MSH3: variants seen among roughly 807,000 people sequenced by gnomAD.
MSH3 encodes mutS homolog 3.
MSH3 carries 106 observed loss-of-function variants against 123.3 expected under a neutral mutation model. The observed-to-expected ratio is 0.86, with a 90% confidence interval of 0.73 to 1.01. The LOEUF (loss-of-function observed/expected upper bound fraction) is 1.01, where lower values mean the gene tolerates loss of function less well. Ranked by LOEUF, MSH3 falls within the 50% of genes least tolerant of loss-of-function variation. The probability of loss-of-function intolerance (pLI) is 0.00; values close to 1 mark genes in which losing one functional copy is unlikely to be tolerated. For missense variants in MSH3, 1,459 were observed against 1,347.6 expected (o/e 1.08, Z -1.29); for synonymous variants, 515 against 481.4 (o/e 1.07, Z -0.91).
At chr5:80,723,075 C>T (rs1342850747) in intron 8 of MSH3, among the ~76,000 whole-genome samples, 2 of 149,974 alleles carry the variant, frequency 1.3e-5, no homozygotes, top group African/African-American at 2.5e-5. Context: ...GCCTAGGCGA[C>T]GGAGTGAAAC....
At chr5:80,748,691 TACACACACAC>T (rs36206914) in intron 12 of MSH3, among the ~76,000 whole-genome samples, 35,863 of 147,262 alleles carry the variant, frequency 0.24, 4,379 homozygotes, top group Non-Finnish European at 0.27. Context: ...ATTTTTTATT[TACACACACAC>T]ACACACACAC....
chr5:80,806,111 C>G (rs1427333371), intron 19 of MSH3, among the ~76,000 whole-genome samples: 1 of 152,020 alleles, frequency 6.6e-6, no homozygotes, highest in African/African-American at 2.4e-5. Flanking sequence ...ATTTACTTAT[C>G]TTTTGAGACG....
At chr5:80,742,666 C>G (rs1264281144) in intron 11 of MSH3, among the ~76,000 whole-genome samples, 1 of 152,162 alleles carries the variant, frequency 6.6e-6, no homozygotes, top group Non-Finnish European at 1.5e-5. Context: ...TTCTAGTATG[C>G]TGAATTCAGA....
In MSH3 at chr5:80,813,585, A is replaced by G. The variant is rs1561486624; in HGVS notation, c.2657A>G (p.Glu886Gly). 6.2e-7 allele frequency: 1 copy of G among 1,614,086 alleles called. No homozygotes were observed. The highest frequency in any genetic ancestry group is 1.3e-5 in the African/African-American group (1 of 75,056). ...QYVPNNTDLS[E>G]DSERVMIITG... ...GTGAAATTCCTTTCTAATTTTCAGG[A>G]GGACTCAGAGAGAGTAATGATAATT... Residue 886 changes from glutamate to glycine, a missense_variant and splice_region_variant, in exon 20 of 24, where the codon GAG becomes GGG. Physicochemically the swap from Glu to Gly is moderately conservative, Grantham distance 98. Transcript: ENST00000265081.
intron 20 of MSH3, among the ~76,000 whole-genome samples, chr5:80,826,532 AG>A (rs1293736646): frequency 6.7e-6 from 1 of 149,188 alleles, no homozygotes; most frequent in Non-Finnish European, 1.5e-5. Flanking sequence ...CGCTATAAAC[AG>A]ACAGGAGGTT....
intron 20 of MSH3, among the ~76,000 whole-genome samples, chr5:80,843,365 C>CT (rs1488722690): frequency 1.3e-5 from 2 of 152,076 alleles, no homozygotes; most frequent in African/African-American, 4.8e-5. Flanking sequence ...CTAAAATTCT[C>CT]TTTTTTTGTT....
intron 19 of MSH3, among the ~76,000 whole-genome samples, chr5:80,804,166 A>G (rs1744841964): frequency 6.6e-6 from 1 of 152,184 alleles, no homozygotes; most frequent in African/African-American, 2.4e-5. Context: ...CTTAAACAAT[A>G]TTTATTCTTC....
At chr5:80,756,250 A>C (rs1303140746) in intron 12 of MSH3, among the ~76,000 whole-genome samples, 1 of 152,218 alleles carries the variant, frequency 6.6e-6, no homozygotes, top group Non-Finnish European at 1.5e-5. Context: ...GAAAGAAAGA[A>C]AAGAAAACAA....
At position 80,692,523 on chromosome 5, in the gene MSH3, G is replaced by GATAGATAAACATGTATATGTTTAT. The variant is rs1561445025; in HGVS notation, c.1340+13436_1340+13459dup. On this transcript the variant is annotated intron_variant, in intron 8 of 23. Coordinates refer to ENST00000265081, the MANE Select transcript of MSH3 (RefSeq NM_002439.5). ...AGATAGATAAACATGTATATGTTTA[G>GATAGATAAACATGTATATGTTTAT]ATAGATAAACATGTATATGTTTATA... is the stretch of plus-strand genomic sequence containing the variant. 5.1e-3 allele frequency among the ~76,000 whole-genome samples: 604 copies of GATAGATAAACATGTATATGTTTAT among 119,254 alleles called. 23 individuals carry two copies. The highest frequency in any genetic ancestry group is 8.8e-3 in the African/African-American group (262 of 29,722). 78.2% of individuals were successfully genotyped at this position (119,254 alleles called of 152,430 possible).
At chr5:80,655,577 T>G (rs1749258416) in intron 1 of MSH3, 1 of 186,462 alleles carries the variant, frequency 5.4e-6, no homozygotes, top group Non-Finnish European at 1.1e-5. Context: ...TTCAACGCAA[T>G]AAGTACGTTT....
chr5:80,720,407 ACTTT>A (rs1751055104), intron 8 of MSH3, among the ~76,000 whole-genome samples: 1 of 151,974 alleles, frequency 6.6e-6, no homozygotes, highest in African/African-American at 2.4e-5. Flanking sequence ...TGTATTTGTT[ACTTT>A]CTTTCAATCT....
intron 12 of MSH3, among the ~76,000 whole-genome samples, chr5:80,751,969 A>G (rs533516660): frequency 3.3e-5 from 5 of 152,230 alleles, no homozygotes; most frequent in South Asian, 4.1e-4. Flanking sequence ...GGTTGTAAAT[A>G]ACCATTGAAT....
chr5:80,869,024 T>A (rs1405578301), intron 22 of MSH3, among the ~76,000 whole-genome samples: 3 of 152,144 alleles, frequency 2.0e-5, no homozygotes, highest in Non-Finnish European at 4.4e-5. Flanking sequence ...TTGGATGGCT[T>A]CTATAATACT....
chr5:80,681,491 A>T (rs1749966075), intron 8 of MSH3, among the ~76,000 whole-genome samples: 1 of 151,990 alleles, frequency 6.6e-6, no homozygotes, highest in East Asian at 1.9e-4. Flanking sequence ...CTATATATGG[A>T]TATTCATCAT....
chr5:80,729,012 A>C, intron 10 of MSH3, 47 bp downstream of exon 10: 1 of 1,077,522 alleles, frequency 9.3e-7, no homozygotes, highest in Non-Finnish European at 1.4e-6. Flanking sequence ...TTATATTATG[A>C]ACATTTCTTA....
Position 80,799,706 on chromosome 5 carries a change from G to C in MSH3, c.2655+6862G>C, listed in dbSNP as rs367603162. ...TCTTCTCCTATTTAGTAGTGACTAT[G>C]ATTCCCTGTCATTGAGCAAGCGTCC... On this transcript the variant is annotated intron_variant, in intron 19 of 23. Transcript: ENST00000265081. 8.6e-5 allele frequency among the ~76,000 whole-genome samples: 13 copies of C among 152,010 alleles called. No homozygotes were observed. The East Asian group carries it at 1.5e-3, about 18-fold the overall frequency.
chr5:80,869,823 T>C (rs201009625), intron 22 of MSH3, among the ~76,000 whole-genome samples: 571 of 56,596 alleles, frequency 0.01, 4 homozygotes, highest in Non-Finnish European at 0.011. Flanking sequence ...CATATATATA[T>C]ACATATATAC....
intron 20 of MSH3, among the ~76,000 whole-genome samples, chr5:80,840,841 A>G (rs1050906157): frequency 6.6e-6 from 1 of 150,792 alleles, no homozygotes; most frequent in African/African-American, 2.4e-5. Flanking sequence ...GAGAACATGC[A>G]GTATTTGGCT....
chr5:80,693,004 T>C (rs554597409), intron 8 of MSH3, among the ~76,000 whole-genome samples: 11 of 137,994 alleles, frequency 8.0e-5, no homozygotes, highest in African/African-American at 3.0e-4. Context: ...TAAATATACA[T>C]GCACATGTAT....
Sources: allele counts gnomAD v4.1 joint callset (sites outside exome capture counted in the v4.1 genomes callset), GRCh38; gene constraint gnomAD v4.1.1; transcripts MANE v1.5; gene names NCBI Gene and HGNC (gene_info 2026-07-23, HGNC 2026-07-21).